The following ARHGEF12 variants were observed in gnomAD, a reference collection of about 807,000 sequenced individuals.
ARHGEF12 encodes KMT2A/ARHGEF12 fusion protein.
Under a neutral mutation model 211.2 loss-of-function variants are expected in ARHGEF12, and 66 were observed. The observed-to-expected ratio is 0.31, with a 90% confidence interval of 0.26 to 0.38. ARHGEF12 has a LOEUF of 0.38. ARHGEF12 is among the 10% of genes least tolerant of loss of function. The pLI, the probability that ARHGEF12 is intolerant of heterozygous loss-of-function variation, is 1.00. For missense variants in ARHGEF12, 1,429 were observed against 1,869.5 expected, an observed-to-expected ratio of 0.76 and a Z score of 4.34; for synonymous variants, 592 against 638.4, an observed-to-expected ratio of 0.93 and a Z score of 1.09.
rs1947369496 is a variant in ARHGEF12 at position 120,485,295 on chromosome 11, CACTCT to C, written c.*224_*228del. 1 of 512,148 alleles carries C rather than the reference CACTCT, an allele frequency of 2.0e-6. No homozygotes were observed. The highest frequency in any genetic ancestry group is 3.5e-6 in the Non-Finnish European group (1 of 285,206). 31.7% of individuals were successfully genotyped at this position (512,148 alleles called of 1,614,324 possible). A position where few individuals can be genotyped will look rare whatever the true frequency, so the allele number is the denominator to read the frequency against. On this transcript the variant is annotated 3_prime_UTR_variant, in exon 41 of 41. Transcript: ENST00000397843. ...GTTTGTGAGGGAATATCCATTCCCT[CACTCT>C]ACTCTCCTCACTATCGGAAATTCAT...
At chr11:120,384,787 T>C (rs910152817) in intron 1 of ARHGEF12, among the ~76,000 whole-genome samples, 3 of 152,206 alleles carry the variant, frequency 2.0e-5, no homozygotes, top group African/African-American at 7.2e-5. Context: ...GAAAATATTT[T>C]TCCTCCCCCC....
At chr11:120,338,966 T>A (rs1490942615) in intron 1 of ARHGEF12, among the ~76,000 whole-genome samples, 1 of 151,336 alleles carries the variant, frequency 6.6e-6, no homozygotes, top group Non-Finnish European at 1.5e-5. Flanking sequence ...AAACATTCAA[T>A]AAATATGAAA....
At chr11:120,420,880 C>G (rs767996623) in intron 5 of ARHGEF12, 29 bp downstream of exon 5, 1 of 1,565,416 alleles carries the variant, frequency 6.4e-7, no homozygotes, top group South Asian at 1.1e-5. Flanking sequence ...CAATTTATCA[C>G]TCAGTAAACA....
chr11:120,365,470 C>G (rs1259716194), intron 1 of ARHGEF12, among the ~76,000 whole-genome samples: 2 of 151,964 alleles, frequency 1.3e-5, no homozygotes, highest in Non-Finnish European at 2.9e-5. Context: ...AGGATGACTC[C>G]CAAGTTTCTG....
chr11:120,458,296 G>A (rs1946425128), intron 25 of ARHGEF12, 62 bp downstream of exon 25: 2 of 1,593,558 alleles, frequency 1.3e-6, no homozygotes, highest in Non-Finnish European at 1.7e-6. Context: ...AGTGAATTAA[G>A]TCTCTCAGCC....
rs144513872 is a variant in ARHGEF12 at position 120,448,701 on chromosome 11, T to G, written c.1737+353T>G. On this transcript the variant is annotated intron_variant, in intron 20 of 40. Transcript: ENST00000397843. ...GTGGCAGTAGAGTATTCTGTCAGTT[T>G]GTAATTATTTGTGTTTTTGTTTAGT... 592 of 286,930 alleles carry G rather than the reference T, an allele frequency of 2.1e-3. 7 individuals are homozygous for G. Among genetic ancestry groups the G allele is most frequent in the Admixed American group, 0.019 (396 of 20,462 alleles). The allele number at this position is 286,930 out of a possible 1,614,324, so 17.8% of individuals were successfully genotyped here. A position where few individuals can be genotyped will look rare whatever the true frequency, so the allele number is the denominator to read the frequency against.
chr11:120,477,375 T>A lies in ARHGEF12; in HGVS notation c.3452+70T>A. On this transcript the variant is annotated intron_variant, in intron 35 of 40. Transcript: ENST00000397843. ...GGTTGGAAAAGACTAGGATAATTAT[T>A]ATGTTTTGTTGCGATGATGTTTAGA... 1.9e-6 allele frequency: 3 copies of A among 1,603,878 alleles called. No individual in the cohort carries two copies. In the South Asian group the frequency reaches 3.3e-5, roughly 18 times the overall value.
intron 1 of ARHGEF12, 170 bp from the exon 2 acceptor site, chr11:120,405,948 A>G (rs1944690645): frequency 7.4e-6 from 4 of 541,948 alleles, no homozygotes; most frequent in Non-Finnish European, 1.3e-5. Flanking sequence ...TAGTTAAGAT[A>G]CTTAAACATG....
intron 12 of ARHGEF12, chr11:120,438,835 T>TATGTATTTATGTATGC (rs1591593135): frequency 6.6e-6 from 1 of 152,216 alleles, no homozygotes; most frequent in African/African-American, 2.4e-5. Flanking sequence ...TGTATGTATG[T>TATGTATTTATGTATGC]ATGTATTTAT....
chr11:120,425,109 A>G (rs1413250925), intron 7 of ARHGEF12, among the ~76,000 whole-genome samples: 1 of 152,144 alleles, frequency 6.6e-6, no homozygotes, highest in Non-Finnish European at 1.5e-5. Flanking sequence ...TCGAGCTGGC[A>G]GTGAGTTATG....
intron 1 of ARHGEF12, among the ~76,000 whole-genome samples, chr11:120,398,168 T>A (rs1944448566): frequency 1.3e-5 from 2 of 152,188 alleles, no homozygotes; most frequent in African/African-American, 4.8e-5. Context: ...AAAATATTAG[T>A]AACAGATTTA....
intron 11 of ARHGEF12, among the ~76,000 whole-genome samples, chr11:120,436,838 A>G (rs886111217): frequency 1.3e-5 from 2 of 152,220 alleles, no homozygotes; most frequent in Non-Finnish European, 2.9e-5. Context: ...TAGGTATTAT[A>G]CAATACCATA....
intron 1 of ARHGEF12, among the ~76,000 whole-genome samples, chr11:120,403,544 C>T (rs907199013): frequency 6.6e-6 from 1 of 151,742 alleles, no homozygotes; most frequent in African/African-American, 2.4e-5. Flanking sequence ...ATCTAGCCAC[C>T]ATATCCCAGT....
intron 1 of ARHGEF12, among the ~76,000 whole-genome samples, chr11:120,359,261 G>A (rs1943214568): frequency 6.6e-6 from 1 of 152,118 alleles, no homozygotes; most frequent in Non-Finnish European, 1.5e-5. Context: ...ATCTCACTGT[G>A]TTGCTCAGGC....
intron 1 of ARHGEF12, among the ~76,000 whole-genome samples, chr11:120,394,996 G>A (rs11824540): frequency 7.8e-4 from 112 of 144,196 alleles, no homozygotes; most frequent in African/African-American, 2.7e-3. Context: ...GGTAGAGGTT[G>A]CAATGAGCTG....
chr11:120,406,196 A>G, intron 2 of ARHGEF12, 55 bp downstream of exon 2: 9 of 1,212,614 alleles, frequency 7.4e-6, no homozygotes, highest in Non-Finnish European at 1.0e-5. Context: ...TTTAATTATA[A>G]GCATCCCTTT....
chr11:120,420,770 G>A lies in ARHGEF12; in HGVS notation c.217G>A (p.Val73Ile), dbSNP rs34754222. 5.6e-5 allele frequency: 91 copies of A among 1,613,914 alleles called. No individual in the cohort carries two copies. Among genetic ancestry groups the A allele is most frequent in the South Asian group, 8.8e-5 (8 of 91,052 alleles). ...SEIYGLVQRC[V>I]IIQKDDNGFG... ...TTGTGCAGGTCTTGTTCAGCGTTGC[G>A]TAATCATCCAGAAAGATGACAATGG... Residue 73 changes from valine (V) to isoleucine (I), a missense_variant, in exon 5 of 41, where the codon GTA becomes ATA. Around this residue, in one of 7 missense-constraint regions of ARHGEF12, gnomAD observed 60 missense variants for 121.0 expected, o/e 0.50. Coordinates refer to ENST00000397843, the MANE Select transcript of ARHGEF12 (RefSeq NM_015313.3).
At chr11:120,455,889 A>G (rs1253777173) in intron 22 of ARHGEF12, among the ~76,000 whole-genome samples, 1 of 152,256 alleles carries the variant, frequency 6.6e-6, no homozygotes, top group Admixed American at 6.5e-5. Context: ...GTTCAGGAAA[A>G]TAAGTCATGA....
At chr11:120,359,337 T>G (rs1374147778) in intron 1 of ARHGEF12, among the ~76,000 whole-genome samples, 1 of 152,068 alleles carries the variant, frequency 6.6e-6, no homozygotes, top group Non-Finnish European at 1.5e-5. Flanking sequence ...CAGTCTCTCA[T>G]CTCAGCCTCC....
Sources: gnomAD v4.1 joint callset for allele counts (sites outside exome capture counted in the v4.1 genomes callset) on GRCh38, gnomAD v4.1.1 for gene constraint, gnomAD v4.1.1 regional missense constraint, MANE v1.5 for transcripts, NCBI Gene and HGNC (gene_info 2026-07-23, HGNC 2026-07-21) for gene names.